Variants in WIPF3 observed in about 807,000 individuals in gnomAD.
The protein encoded by WIPF3 is WAS/WASL-interacting protein family member 3.
In WIPF3, 33 loss-of-function variants were observed where a neutral mutation model predicts 38.9. That is an observed-to-expected ratio of 0.85 (90% CI 0.64 to 1.14). The LOEUF is 1.14. Ranked by LOEUF, WIPF3 falls within the 50% of genes most tolerant of loss-of-function variation. The probability of loss-of-function intolerance (pLI) is 0.00; values close to 1 mark genes in which losing one functional copy is unlikely to be tolerated. For missense variants in WIPF3, 711 were observed against 652.5 expected (o/e 1.09, Z -0.98); for synonymous variants, 324 against 269.3 (o/e 1.20, Z -1.99).
At position 29,829,428 on chromosome 7, in the gene WIPF3, A is replaced by G. The variant is rs193155056; in HGVS notation, c.-57-5240A>G. On this transcript the variant is annotated intron_variant, in intron 1 of 8. Transcript: ENST00000242140. Reference sequence around the variant, plus strand: ...GAGACGGGGTTTCACCATGTTGGCCAGGCTGGTTTGGAACTCCTGACCTCA... The same window carrying G: ...GAGACGGGGTTTCACCATGTTGGCCGGGCTGGTTTGGAACTCCTGACCTCA... Among the ~76,000 whole-genome samples, 4 of 152,138 alleles carry G rather than the reference A, an allele frequency of 2.6e-5. No homozygotes were observed. In the East Asian group the frequency reaches 7.7e-4, roughly 29 times the overall value.
At chr7:29,895,560 G>T (rs1012891768) in intron 7 of WIPF3, among the ~76,000 whole-genome samples, 2 of 152,198 alleles carry the variant, frequency 1.3e-5, no homozygotes, top group African/African-American at 4.8e-5. Context: ...TTGTTATAAA[G>T]AAATACTTGA....
At chr7:29,874,447 G>A (rs61259891) in intron 2 of WIPF3, among the ~76,000 whole-genome samples, 46,122 of 151,704 alleles carry the variant, frequency 0.3, 7,458 homozygotes, top group African/African-American at 0.4. Context: ...AGAGGAAAAA[G>A]GAATATGGTA....
chr7:29,910,116 T>C (rs1327535930), intron 8 of WIPF3, among the ~76,000 whole-genome samples: 2 of 152,114 alleles, frequency 1.3e-5, no homozygotes, highest in African/African-American at 4.8e-5. Flanking sequence ...AGATAAATGC[T>C]TGAGGGGATG....
rs570261258 is a variant in WIPF3 at position 29,875,911 on chromosome 7, C to T, written c.172C>T (p.Arg58Cys). The change falls in exon 3 of 9, where the codon CGC becomes TGC. Residue 58 changes from arginine (R) to cysteine (C), a missense_variant. Arg to Cys is a radical substitution (Grantham distance 180). Coordinates refer to ENST00000242140, the MANE Select transcript of WIPF3 (RefSeq NM_001080529.3). ...GTTGGCTGATATCCAGCAAGGAACT[C>T]GCCTGCGCAAAGTCACGCAGATCAA... Reference protein sequence around the residue: ...ALLADIQQGTRLRKVTQINDR... With the variant: ...ALLADIQQGTCLRKVTQINDR... 54 of 1,613,950 alleles carry T rather than the reference C, an allele frequency of 3.3e-5. No homozygotes were observed. The Middle Eastern group carries it at 4.9e-4, about 15-fold the overall frequency.
intron 2 of WIPF3, among the ~76,000 whole-genome samples, chr7:29,847,023 T>C (rs769651484): frequency 8.5e-5 from 13 of 152,192 alleles, no homozygotes; most frequent in Non-Finnish European, 1.8e-4. Flanking sequence ...GGAAACTTCA[T>C]AGAGGGATTG....
At chr7:29,883,576 C>A (rs571428043) in intron 4 of WIPF3, among the ~76,000 whole-genome samples, 1 of 152,196 alleles carries the variant, frequency 6.6e-6, no homozygotes, top group South Asian at 2.1e-4. Flanking sequence ...ATACTAGAGG[C>A]CCAAGGCAGA....
chr7:29,816,027 C>G (rs186917371), intron 1 of WIPF3, among the ~76,000 whole-genome samples: 3 of 152,210 alleles, frequency 2.0e-5, no homozygotes, highest in Admixed American at 6.5e-5. Flanking sequence ...TAATCTTTTT[C>G]TTTATTTGTA....
intron 1 of WIPF3, among the ~76,000 whole-genome samples, chr7:29,815,574 G>A (rs1784443125): frequency 1.3e-5 from 2 of 152,130 alleles, no homozygotes; most frequent in African/African-American, 4.8e-5. Flanking sequence ...ATAGGATCTA[G>A]GGAGGCAGTA....
Position 29,888,048 on chromosome 7 carries a change from A to G in WIPF3, c.1100-20A>G. 6.2e-7 allele frequency: 1 copy of G among 1,613,748 alleles called. No homozygotes were observed. The highest frequency in any genetic ancestry group is 8.5e-7 in the Non-Finnish European group (1 of 1,179,768). The stretch of plus-strand genomic sequence containing the variant: ...CATTCCCATCCGTGTTTCTGAGTAC[A>G]CCATCATCTTCTCTGTAAGGGGCCG... On this transcript the variant is annotated intron_variant, in intron 5 of 8. Coordinates refer to ENST00000242140, the MANE Select transcript of WIPF3 (RefSeq NM_001080529.3).
chr7:29,856,435 A>C (rs1469977422), intron 2 of WIPF3, among the ~76,000 whole-genome samples: 1 of 152,068 alleles, frequency 6.6e-6, no homozygotes, highest in East Asian at 1.9e-4. Context: ...CGAGAATAGC[A>C]TGAGCAACAA....
intron 2 of WIPF3, among the ~76,000 whole-genome samples, chr7:29,847,606 A>C (rs1028552422): frequency 6.6e-6 from 1 of 151,926 alleles, no homozygotes; most frequent in African/African-American, 2.4e-5. Context: ...TAGACTGAAC[A>C]GGGGAAACCC....
At chr7:29,837,565 C>G (rs1485211508) in intron 2 of WIPF3, among the ~76,000 whole-genome samples, 1 of 152,080 alleles carries the variant, frequency 6.6e-6, no homozygotes, top group African/African-American at 2.4e-5. Context: ...TGAATTCTCT[C>G]CTTCATTTCT....
chr7:29,877,083 G>A (rs928994086), intron 3 of WIPF3, among the ~76,000 whole-genome samples: 5 of 152,152 alleles, frequency 3.3e-5, no homozygotes, highest in African/African-American at 1.2e-4. Context: ...TGAAGATGAC[G>A]TTAACCCTGA....
chr7:29,904,691 A>G (rs1392352020), intron 8 of WIPF3: 1 of 265,916 alleles, frequency 3.8e-6, no homozygotes, highest in Non-Finnish European at 7.2e-6. Flanking sequence ...AATAACATGT[A>G]TAAAACATAA....
At chr7:29,842,615 A>T (rs767283550) in intron 2 of WIPF3, among the ~76,000 whole-genome samples, 1 of 152,106 alleles carries the variant, frequency 6.6e-6, no homozygotes, top group Non-Finnish European at 1.5e-5. Context: ...ATATATTGGG[A>T]GGTTTTCCCA....
In WIPF3 at chr7:29,914,332, G is replaced by A. The variant is rs7456753; in HGVS notation, c.1429-161G>A. 6.9e-3 allele frequency among the ~76,000 whole-genome samples: 1,052 copies of A among 152,210 alleles called. 9 individuals are homozygous for A. The highest frequency in any genetic ancestry group is 0.01 in the Middle Eastern group (3 of 294). ...TCTGGTTTCCACCCACAGCCCCTTG[G>A]GTAAAAGTCAGCTCTTTGCATAGGC... On this transcript the variant is annotated intron_variant, in intron 8 of 8. Transcript: ENST00000242140.
intron 1 of WIPF3, among the ~76,000 whole-genome samples, chr7:29,816,238 G>A (rs533515408): frequency 1.3e-5 from 2 of 152,246 alleles, no homozygotes; most frequent in African/African-American, 4.8e-5. Context: ...AATATTTCCT[G>A]TACTCTATCC....
intron 1 of WIPF3, among the ~76,000 whole-genome samples, chr7:29,807,839 A>T (rs749079131): frequency 6.6e-6 from 1 of 152,114 alleles, no homozygotes; most frequent in African/African-American, 2.4e-5. Context: ...GTGATTTAGA[A>T]GGTTTGTGCC....
intron 7 of WIPF3, among the ~76,000 whole-genome samples, chr7:29,889,616 A>C (rs1785964305): frequency 6.6e-6 from 1 of 152,152 alleles, no homozygotes; most frequent in African/African-American, 2.4e-5. Context: ...TTTTTATAGA[A>C]CACTAAGGGT....
Sources: allele counts gnomAD v4.1 joint callset (sites outside exome capture counted in the v4.1 genomes callset), GRCh38; gene constraint gnomAD v4.1.1; transcripts MANE v1.5; gene names NCBI Gene and HGNC (gene_info 2026-07-23, HGNC 2026-07-21).